GRID2: variants seen among roughly 807,000 people sequenced by gnomAD.
The protein encoded by GRID2 is glutamate receptor ionotropic, delta-2.
GRID2 carries 33 observed loss-of-function variants against 114.8 expected under a neutral mutation model. The ratio of observed to expected loss-of-function variants is 0.29; its 90% CI spans 0.22 to 0.38. GRID2 has a LOEUF of 0.38. Ranked by LOEUF, GRID2 falls within the 10% of genes least tolerant of loss-of-function variation. The probability of loss-of-function intolerance (pLI) is 1.00; values close to 1 mark genes in which losing one functional copy is unlikely to be tolerated. For synonymous variants in GRID2, 505 were observed against 449.9 expected, an observed-to-expected ratio of 1.12 and a Z score of -1.55; for missense variants, 1,184 against 1,257.7, an observed-to-expected ratio of 0.94 and a Z score of 0.89.
intron 4 of GRID2, among the ~76,000 whole-genome samples, chr4:93,113,028 G>T (rs1452782629): frequency 6.6e-6 from 1 of 152,208 alleles, no homozygotes; most frequent in Middle Eastern, 3.4e-3. Flanking sequence ...TTGAGAAGGA[G>T]GTAGTGATGG....
intron 2 of GRID2, among the ~76,000 whole-genome samples, chr4:92,893,827 A>G (rs1746968702): frequency 6.6e-6 from 1 of 152,144 alleles, no homozygotes; most frequent in Non-Finnish European, 1.5e-5. Context: ...AATGCAGATA[A>G]TATGTTTCGG....
chr4:93,049,943 T>A (rs1726534160), intron 2 of GRID2, among the ~76,000 whole-genome samples: 1 of 152,156 alleles, frequency 6.6e-6, no homozygotes, highest in South Asian at 2.1e-4. Context: ...ATTGGTAGAA[T>A]AAATTTCTGT....
chr4:92,964,101 G>C (rs1212555538), intron 2 of GRID2, among the ~76,000 whole-genome samples: 2 of 151,924 alleles, frequency 1.3e-5, no homozygotes, highest in Non-Finnish European at 2.9e-5. Context: ...TCCATTAATA[G>C]GACACAGGGA....
chr4:93,423,336 C>CTTTTTTT lies in GRID2; in HGVS notation c.1545+391_1545+397dup, dbSNP rs554663844. ...GCAATTTGTACTATTTTTTTTCTTT[C>CTTTTTTT]TTTTTTTTTTTTTTTTTTTTTTTTT... On this transcript the variant is annotated intron_variant, in intron 10 of 15. Transcript: ENST00000282020. 3.9e-4 allele frequency among the ~76,000 whole-genome samples: 29 copies of CTTTTTTT among 73,564 alleles called. 2 individuals are homozygous for CTTTTTTT. The highest frequency in any genetic ancestry group is 9.2e-4 in the East Asian group (2 of 2,178). 48.3% of individuals were successfully genotyped at this position (73,564 alleles called of 152,430 possible).
exon 2 of GRID2, chr4:93,808,158 AC>A (rs1735067737): frequency 6.6e-6 from 1 of 152,208 alleles, no homozygotes; most frequent in Non-Finnish European, 1.5e-5. Context: ...GTGTTCACTT[AC>A]TGAGCACCTT....
At position 92,305,047 on chromosome 4, in the gene GRID2, T is replaced by A. The variant is rs1312556565; in HGVS notation, c.88+303T>A. Among the ~76,000 whole-genome samples the A allele has an allele frequency of 2.0e-5, 3 of 152,266 alleles. No individual in the cohort carries two copies. The East Asian group carries it at 5.8e-4, about 29-fold the overall frequency. ...GAACTGCAGGGGGATTCTAAGTGTG[T>A]GGGGAAAGGGAGTTTAATTGACTCT... On this transcript the variant is annotated intron_variant, in intron 1 of 15. Coordinates refer to ENST00000282020, the MANE Select transcript of GRID2 (RefSeq NM_001510.4).
chr4:92,988,307 T>A (rs1754635539), intron 2 of GRID2, among the ~76,000 whole-genome samples: 1 of 152,130 alleles, frequency 6.6e-6, no homozygotes, highest in South Asian at 2.1e-4. Context: ...CAAGGACTGT[T>A]GTACTAAGGC....
At chr4:92,417,869 G>A (rs766215489) in intron 1 of GRID2, among the ~76,000 whole-genome samples, 2 of 152,160 alleles carry the variant, frequency 1.3e-5, no homozygotes, top group African/African-American at 4.8e-5. Flanking sequence ...AGTCTCATGC[G>A]ATCTGACGGT....
Position 93,626,406 on chromosome 4 carries a change from C to A in GRID2, c.2331C>A (p.Gly777=), listed in dbSNP as rs1578429339. The part of the protein sequence containing the change: ...DRGYGIALQH[G]SPYRDVFSQR... Reference sequence around the variant, plus strand: ...GATATGGAATTGCATTACAACATGGCAGTCCTTACCGAGATGTTTTTTCAC... The same window carrying A: ...GATATGGAATTGCATTACAACATGGAAGTCCTTACCGAGATGTTTTTTCAC... Residue 777 remains glycine (G), a synonymous_variant, in exon 14 of 16, where the codon GGC becomes GGA. Transcript: ENST00000282020. 1 of 1,609,002 alleles carries A rather than the reference C, an allele frequency of 6.2e-7. No individual in the cohort carries two copies. The highest frequency in any genetic ancestry group is 8.5e-7 in the Non-Finnish European group (1 of 1,177,328).
intron 2 of GRID2, among the ~76,000 whole-genome samples, chr4:93,082,948 A>G (rs1730001753): frequency 6.6e-6 from 1 of 152,200 alleles, no homozygotes; most frequent in Non-Finnish European, 1.5e-5. Flanking sequence ...TCTAAATCTG[A>G]AGACTAAAAC....
chr4:93,145,861 C>G (rs1736176254), intron 4 of GRID2, among the ~76,000 whole-genome samples: 2 of 93,304 alleles, frequency 2.1e-5, no homozygotes, highest in Admixed American at 2.7e-4. Context: ...TGCACACACA[C>G]ACATACACAC....
chr4:92,899,097 G>A (rs1747378390), intron 2 of GRID2, among the ~76,000 whole-genome samples: 1 of 151,980 alleles, frequency 6.6e-6, no homozygotes, highest in African/African-American at 2.4e-5. Context: ...GTTTGACAGA[G>A]TAGCATTTTG....
intron 1 of GRID2, among the ~76,000 whole-genome samples, chr4:92,416,436 T>C (rs1042648441): frequency 6.6e-6 from 1 of 152,192 alleles, no homozygotes; most frequent in Non-Finnish European, 1.5e-5. Context: ...TCTTTGTTTC[T>C]GCTGCGTTGG....
intron 8 of GRID2, among the ~76,000 whole-genome samples, chr4:93,350,325 G>C (rs1231240965): frequency 6.6e-6 from 1 of 151,972 alleles, no homozygotes; most frequent in African/African-American, 2.4e-5. Flanking sequence ...CAGTCCTCAA[G>C]AACTTTTAGT....
At position 92,881,668 on chromosome 4, in the gene GRID2, AC is replaced by A. The variant is rs547313481; in HGVS notation, c.245-203326del. 1.2e-3 allele frequency among the ~76,000 whole-genome samples: 182 copies of A among 152,200 alleles called. 1 individual carries two copies. Among genetic ancestry groups the A allele is most frequent in the African/African-American group, 4.3e-3 (180 of 41,540 alleles). On this transcript the variant is annotated intron_variant, in intron 2 of 15. Transcript: ENST00000282020. ...AAAACAACCATAATGGCTGCTAAAA[AC>A]TTTTGTTATAGTTATTAGGTAGAAA...
intron 11 of GRID2, among the ~76,000 whole-genome samples, chr4:93,464,813 C>T (rs938123475): frequency 3.3e-5 from 5 of 152,154 alleles, no homozygotes; most frequent in African/African-American, 1.2e-4. Flanking sequence ...ATATTTACAG[C>T]TCTTTATCTT....
chr4:92,799,519 CT>C (rs1197751025), intron 2 of GRID2, among the ~76,000 whole-genome samples: 2 of 152,004 alleles, frequency 1.3e-5, no homozygotes, highest in Non-Finnish European at 2.9e-5. Flanking sequence ...TTCTTTTTGG[CT>C]TGCAGGTAGC....
At chr4:92,335,909 G>A (rs1727135549) in intron 1 of GRID2, among the ~76,000 whole-genome samples, 1 of 152,146 alleles carries the variant, frequency 6.6e-6, no homozygotes, top group African/African-American at 2.4e-5. Context: ...GTCCATGGAA[G>A]GAAAGTCACT....
At chr4:93,488,944 T>A in intron 11 of GRID2, among the ~76,000 whole-genome samples, 1 of 151,978 alleles carries the variant, frequency 6.6e-6, no homozygotes, top group East Asian at 1.9e-4. Context: ...TATCTCCAAA[T>A]AACAATCACA....
Sources: gnomAD v4.1 joint callset for allele counts (sites outside exome capture counted in the v4.1 genomes callset) on GRCh38, gnomAD v4.1.1 for gene constraint, MANE v1.5 for transcripts, NCBI Gene and HGNC (gene_info 2026-07-23, HGNC 2026-07-21) for gene names.